The following TRPM3 variants were observed in gnomAD, a reference collection of about 807,000 sequenced individuals.
TRPM3 encodes transient receptor potential cation channel subfamily M member 3.
A neutral mutation model predicts 181.2 loss-of-function variants in TRPM3; 77 were observed. The ratio of observed to expected loss-of-function variants is 0.42; its 90% CI spans 0.35 to 0.51. TRPM3 has a LOEUF of 0.51. Ranked by LOEUF, TRPM3 falls within the 20% of genes least tolerant of loss-of-function variation. The pLI is 0.01. For missense variants in TRPM3, 1,759 were observed against 2,196.7 expected (o/e 0.80, Z 3.98); for synonymous variants, 745 against 796.4 (o/e 0.94, Z 1.09).
At chr9:71,123,958 T>C (rs959962559), upstream of TRPM3, among the ~76,000 whole-genome samples, 1 of 152,112 alleles carries the variant, frequency 6.6e-6, no homozygotes, top group African/African-American at 2.4e-5. Flanking sequence ...TTTGATCCTA[T>C]CCCCTTTAAT....
chr9:70,741,183 C>G (rs192766237), intron 8 of TRPM3, among the ~76,000 whole-genome samples: 17 of 152,150 alleles, frequency 1.1e-4, no homozygotes, highest in Middle Eastern at 3.4e-3. Context: ...AGAAGATATA[C>G]AAATGACCAC....
chr9:70,906,921 TA>T (rs2096474517), intron 1 of TRPM3, among the ~76,000 whole-genome samples: 1 of 151,628 alleles, frequency 6.6e-6, no homozygotes, highest in Admixed American at 6.6e-5. Context: ...AATAATAAAA[TA>T]AAAAATAAAG....
chr9:70,741,787 C>T (rs770240623), intron 8 of TRPM3, among the ~76,000 whole-genome samples: 19 of 152,066 alleles, frequency 1.2e-4, no homozygotes, highest in African/African-American at 3.9e-4. Context: ...GATGCAAAAA[C>T]GTAAGAATGA....
intron 1 of TRPM3, among the ~76,000 whole-genome samples, chr9:70,992,940 A>G (rs2097502945): frequency 6.6e-6 from 1 of 152,210 alleles, no homozygotes; most frequent in Non-Finnish European, 1.5e-5. Flanking sequence ...TATCAGAAAC[A>G]TTCTGCAATG....
intron 8 of TRPM3, among the ~76,000 whole-genome samples, chr9:70,749,267 G>T (rs556079974): frequency 1.3e-5 from 2 of 152,164 alleles, no homozygotes; most frequent in Admixed American, 1.3e-4. Context: ...TGCAATGTTT[G>T]CTTCTTGATT....
intron 1 of TRPM3, among the ~76,000 whole-genome samples, chr9:71,266,480 C>T (rs1483834540): frequency 2.6e-5 from 4 of 152,106 alleles, no homozygotes; most frequent in Non-Finnish European, 5.9e-5. Flanking sequence ...TCCAGTAATC[C>T]TTCCAAGAAT....
At chr9:70,761,981 T>C (rs1338023965) in intron 7 of TRPM3, among the ~76,000 whole-genome samples, 5 of 152,210 alleles carry the variant, frequency 3.3e-5, no homozygotes, top group Non-Finnish European at 5.9e-5. Flanking sequence ...CTGTTTTTCA[T>C]ATGGCATGTG....
At chr9:70,804,988 C>T (rs1395457281) in intron 6 of TRPM3, among the ~76,000 whole-genome samples, 1 of 152,180 alleles carries the variant, frequency 6.6e-6, no homozygotes, top group Non-Finnish European at 1.5e-5. Context: ...ATGCCAGCTG[C>T]AGCCAGGGTC....
intron 1 of TRPM3, among the ~76,000 whole-genome samples, chr9:70,889,410 G>C (rs2096155252): frequency 6.6e-6 from 1 of 152,090 alleles, no homozygotes; most frequent in African/African-American, 2.4e-5. Flanking sequence ...GATGGGCGAG[G>C]TCCCCGCCAA....
At chr9:71,058,572 A>C (rs1294963326) in intron 1 of TRPM3, among the ~76,000 whole-genome samples, 4 of 152,032 alleles carry the variant, frequency 2.6e-5, no homozygotes, top group African/African-American at 9.7e-5. Flanking sequence ...TGGAGACAGA[A>C]GTTCTGCTGC....
intron 1 of TRPM3, chr9:71,446,631 G>C: frequency 1.3e-6 from 2 of 1,547,278 alleles, no homozygotes; most frequent in Non-Finnish European, 1.7e-6. Context: ...GCAAAGACTG[G>C]GGCTCTCCCC....
In TRPM3 at chr9:71,152,517, G is replaced by A. The variant is rs564411152; in HGVS notation, c.184-288006C>T. 3.9e-5 allele frequency among the ~76,000 whole-genome samples: 6 copies of A among 152,172 alleles called. No individual in the cohort carries two copies. The East Asian group carries it at 1.2e-3, about 29-fold the overall frequency. On this transcript the variant is annotated intron_variant, in intron 1 of 24. Coordinates refer to the TRPM3 transcript ENST00000357533. ...TTTAACTAGATCATTTATACCCAAT[G>A]AAAATAACACAAATAAGGGATAATT... is the stretch of plus-strand genomic sequence containing the variant.
intron 1 of TRPM3, among the ~76,000 whole-genome samples, chr9:70,918,286 T>C (rs1333524636): frequency 1.3e-5 from 2 of 152,166 alleles, no homozygotes; most frequent in African/African-American, 4.8e-5. Context: ...TAATAGATAC[T>C]TACAGAACAC....
chr9:71,217,878 AG>A (rs1393611692), intron 1 of TRPM3, among the ~76,000 whole-genome samples: 1 of 152,156 alleles, frequency 6.6e-6, no homozygotes, highest in Non-Finnish European at 1.5e-5. Flanking sequence ...GAAGAATTAG[AG>A]ATCCTCTTCC....
At chr9:71,102,386 A>C (rs2068567367) in intron 1 of TRPM3, among the ~76,000 whole-genome samples, 1 of 152,200 alleles carries the variant, frequency 6.6e-6, no homozygotes, top group Admixed American at 6.5e-5. Context: ...TCCCCTAAGA[A>C]CATTTCAAAA....
intron 1 of TRPM3, among the ~76,000 whole-genome samples, chr9:71,032,336 G>C (rs1384304023): frequency 6.7e-6 from 1 of 149,730 alleles, no homozygotes; most frequent in Non-Finnish European, 1.5e-5. Flanking sequence ...ACATAAAAGA[G>C]AGCATGATGA....
chr9:71,039,338 T>C (rs906847460), intron 1 of TRPM3, among the ~76,000 whole-genome samples: 2 of 152,118 alleles, frequency 1.3e-5, no homozygotes, highest in East Asian at 3.9e-4. Flanking sequence ...AAGAACCCAA[T>C]AGGATGCCAA....
intron 1 of TRPM3, among the ~76,000 whole-genome samples, chr9:70,998,924 A>T (rs1468950): frequency 0.33 from 49,936 of 151,970 alleles, 9,015 homozygotes; most frequent in Middle Eastern, 0.43. Context: ...TACTTTCCAT[A>T]ATTTGTGCTG....
At chr9:70,779,676 A>G (rs1208047017) in intron 7 of TRPM3, among the ~76,000 whole-genome samples, 1 of 152,204 alleles carries the variant, frequency 6.6e-6, no homozygotes, top group Non-Finnish European at 1.5e-5. Context: ...GTAGAATCCT[A>G]GTATTAAAAA....
Sources: allele counts gnomAD v4.1 joint callset (sites outside exome capture counted in the v4.1 genomes callset), GRCh38; gene constraint gnomAD v4.1.1; transcripts MANE v1.5; gene names NCBI Gene and HGNC (gene_info 2026-07-23, HGNC 2026-07-21).